ELFN1: variants seen among roughly 807,000 people sequenced by gnomAD.
The protein encoded by ELFN1 is extracellular leucine rich repeat and fibronectin type III domain containing 1, also known as protein ELFN1.
ELFN1 carries 6 observed loss-of-function variants against 7.6 expected under a neutral mutation model. The observed-to-expected ratio is 0.79, with a 90% CI of 0.43 to 1.56. The LOEUF (loss-of-function observed/expected upper bound fraction) is 1.56. Ranked by LOEUF, ELFN1 falls within the 40% of genes most tolerant of loss-of-function variation. The pLI, the probability that ELFN1 is intolerant of heterozygous loss-of-function variation, is 0.01. For synonymous variants in ELFN1, 657 were observed against 588.1 expected (o/e 1.12, Z -1.70); for missense variants, 1,169 against 1,232.2 (o/e 0.95, Z 0.77).
chr7:1,701,612 C>T (rs1441418412), intron 2 of ELFN1, among the ~76,000 whole-genome samples: 2 of 151,446 alleles, frequency 1.3e-5, no homozygotes, highest in Non-Finnish European at 2.9e-5. Flanking sequence ...GAGTTCAAGA[C>T]CAGCCTAGGC....
At chr7:1,736,209 A>G (rs1013631311) in intron 3 of ELFN1, among the ~76,000 whole-genome samples, 12 of 152,142 alleles carry the variant, frequency 7.9e-5, no homozygotes, top group African/African-American at 2.9e-4. Flanking sequence ...AACATGATCT[A>G]TCGGCAAAAC....
intron 3 of ELFN1, among the ~76,000 whole-genome samples, chr7:1,723,062 C>T (rs1780071902): frequency 6.6e-6 from 1 of 152,128 alleles, no homozygotes; most frequent in African/African-American, 2.4e-5. Context: ...GGTGTGATGG[C>T]AGGTGCCTAT....
intron 3 of ELFN1, among the ~76,000 whole-genome samples, chr7:1,733,528 C>G (rs1371464656): frequency 6.6e-6 from 1 of 152,060 alleles, no homozygotes; most frequent in African/African-American, 2.4e-5. Context: ...AGATAGCACC[C>G]CTTCCGACTG....
At chr7:1,724,130 G>C (rs1197343820) in intron 3 of ELFN1, among the ~76,000 whole-genome samples, 1 of 152,208 alleles carries the variant, frequency 6.6e-6, no homozygotes, top group East Asian at 1.9e-4. Flanking sequence ...TAACAGCACA[G>C]ACGTCACAGG....
chr7:1,676,455 C>A (rs931131732), intron 1 of ELFN1, among the ~76,000 whole-genome samples: 2 of 152,194 alleles, frequency 1.3e-5, no homozygotes, highest in Admixed American at 6.5e-5. Flanking sequence ...CCCGGAGCCT[C>A]GGCCTCTCCT....
chr7:1,703,848 G>A (rs960621533), intron 2 of ELFN1, among the ~76,000 whole-genome samples: 2 of 152,162 alleles, frequency 1.3e-5, no homozygotes, highest in African/African-American at 2.4e-5. Context: ...TTTGAGACTC[G>A]GTTTCCCAGT....
intron 2 of ELFN1, among the ~76,000 whole-genome samples, chr7:1,696,160 C>CAGAG (rs146254859): frequency 1.4e-5 from 2 of 147,706 alleles, no homozygotes; most frequent in East Asian, 2.0e-4. Context: ...CCTCCCAAGA[C>CAGAG]AGAGAGAGAG....
In ELFN1 at chr7:1,705,105, C is replaced by T. The variant is rs1024399918; in HGVS notation, c.-455-3986C>T. ...TGGAGAACAGAGGGACACCCAGTGG[C>T]CAAAGGGCAGAGCCCGCAGGAGGTA... On this transcript the variant is annotated intron_variant, in intron 2 of 3. Coordinates refer to ENST00000424383, the MANE Select transcript of ELFN1 (RefSeq NM_001128636.4). The surrounding 1 kb of genome is among the most constrained non-coding windows in gnomAD (Gnocchi z 4.3). Among the ~76,000 whole-genome samples the T allele has an allele frequency of 6.6e-6, 1 of 152,034 alleles. No individual in the cohort carries two copies. Among genetic ancestry groups the T allele is most frequent in the African/African-American group, 2.4e-5 (1 of 41,406 alleles).
At chr7:1,696,789 G>A (rs956883965) in intron 2 of ELFN1, among the ~76,000 whole-genome samples, 1 of 152,120 alleles carries the variant, frequency 6.6e-6, no homozygotes, top group Admixed American at 6.5e-5. Flanking sequence ...CAGAGAACCC[G>A]CTGCCTCCTC....
chr7:1,732,415 A>C (rs1780344097), intron 3 of ELFN1, among the ~76,000 whole-genome samples: 1 of 152,118 alleles, frequency 6.6e-6, no homozygotes, highest in African/African-American at 2.4e-5. Flanking sequence ...GAGCCACGTA[A>C]GGTTGCAGGG....
chr7:1,686,942 C>G (rs951135102), intron 1 of ELFN1, among the ~76,000 whole-genome samples: 1 of 152,058 alleles, frequency 6.6e-6, no homozygotes, highest in African/African-American at 2.4e-5. Flanking sequence ...CCTGGTAGAA[C>G]CACTGGCTTT....
intron 3 of ELFN1, among the ~76,000 whole-genome samples, chr7:1,709,459 G>T (rs1020048517): frequency 6.6e-6 from 1 of 152,256 alleles, no homozygotes; most frequent in African/African-American, 2.4e-5. Flanking sequence ...GGCCGCAGGG[G>T]TGGCCTCGGA....
At chr7:1,674,714 T>G (rs1029193990) in intron 1 of ELFN1, among the ~76,000 whole-genome samples, 8 of 152,114 alleles carry the variant, frequency 5.3e-5, no homozygotes, top group African/African-American at 1.4e-4. Context: ...TGGGAGAGAC[T>G]GGTGGAAGGG....
At chr7:1,666,507 G>T (rs193122329), upstream of ELFN1, among the ~76,000 whole-genome samples, 1 of 152,066 alleles carries the variant, frequency 6.6e-6, no homozygotes, top group Non-Finnish European at 1.5e-5. This position sits in a 1 kb window ranked among gnomAD's most constrained non-coding sequence, Gnocchi z 7.9. Flanking sequence ...AGCCTGGGCC[G>T]GACAAACTTC....
rs531562770 is a variant in ELFN1 at position 1,674,894 on chromosome 7, G to GA, written c.-549+4540_-549+4541insA. ...GCCCAGCCATCACCAGGTCCACTGT[G>GA]TTTGCTAGAGCCCCCAATTCAATCT... On this transcript the variant is annotated intron_variant, in intron 1 of 3. Coordinates refer to ENST00000424383, the MANE Select transcript of ELFN1 (RefSeq NM_001128636.4). Among the ~76,000 whole-genome samples, 270 of 152,286 alleles carry GA rather than the reference G, an allele frequency of 1.8e-3. 1 individual carries two copies. The highest frequency in any genetic ancestry group is 3.2e-3 in the Non-Finnish European group (221 of 68,014).
intron 2 of ELFN1, among the ~76,000 whole-genome samples, chr7:1,701,644 TA>T (rs1156562554): frequency 6.6e-6 from 1 of 151,572 alleles, no homozygotes; most frequent in Non-Finnish European, 1.5e-5. Flanking sequence ...ACCCCTTCTC[TA>T]AAAAAAATTA....
rs2128581785 is a variant in ELFN1 at position 1,695,121 on chromosome 7, A to C, written c.-456+6971A>C. ...GTGCCAGGCAGCAGACGTGGCCGACAGGCACATGGTGGGACCTGCTCTGTG... is the reference window on the plus strand; with the variant it reads ...GTGCCAGGCAGCAGACGTGGCCGACCGGCACATGGTGGGACCTGCTCTGTG... On this transcript the variant is annotated intron_variant, in intron 2 of 3. Transcript: ENST00000424383. The surrounding 1 kb of genome is among the most constrained non-coding windows in gnomAD (Gnocchi z 5.1). 6.6e-6 allele frequency among the ~76,000 whole-genome samples: 1 copy of C among 152,344 alleles called. No individual in the cohort carries two copies. The highest frequency in any genetic ancestry group is 1.9e-4 in the East Asian group (1 of 5,180).
At position 1,746,746 on chromosome 7, in the gene ELFN1, C is replaced by T. The variant is rs953667495; in HGVS notation, c.2150C>T (p.Ala717Val). Residue 717 changes from alanine to valine, a missense_variant, in exon 4 of 4, where the codon GCG (alanine) becomes GTG (valine). Physicochemically the swap from Ala to Val is moderately conservative, Grantham distance 64. Around this residue, in one of 2 missense-constraint regions of ELFN1, gnomAD observed 914 missense variants for 872.6 expected, o/e 1.05. Coordinates refer to ENST00000424383, the MANE Select transcript of ELFN1 (RefSeq NM_001128636.4). The stretch of plus-strand genomic sequence containing the variant: ...GGCTCCCACCCGGCCGAGCCACCTG[C>T]GCCCCCCGGGCCACCGCCGCCGCCT... ...YPGSHPAEPPAPPGPPPPPPH... is the reference protein window; with the variant it reads ...YPGSHPAEPPVPPGPPPPPPH... 6.7e-6 allele frequency: 10 copies of T among 1,493,954 alleles called. No individual in the cohort carries two copies. The highest frequency in any genetic ancestry group is 2.5e-5 in the South Asian group (2 of 79,818). The allele number at this position is 1,493,954 out of a possible 1,614,324, so 92.5% of individuals were successfully genotyped here. A position where few individuals can be genotyped will look rare whatever the true frequency, so the allele number is the denominator to read the frequency against.
At chr7:1,725,063 G>T (rs1780148594) in intron 3 of ELFN1, among the ~76,000 whole-genome samples, 2 of 152,254 alleles carry the variant, frequency 1.3e-5, no homozygotes, top group African/African-American at 2.4e-5. Context: ...GCACCCCAGA[G>T]GGTGGTTCTG....
Sources: gnomAD v4.1 joint callset for allele counts (sites outside exome capture counted in the v4.1 genomes callset) on GRCh38, gnomAD v4.1.1 for gene constraint, gnomAD v4.1.1 regional missense constraint, Gnocchi (gnomAD v3.1) non-coding constraint, MANE v1.5 for transcripts, NCBI Gene and HGNC (gene_info 2026-07-23, HGNC 2026-07-21) for gene names.